RGS3: variants seen among roughly 807,000 people sequenced by gnomAD.
The protein encoded by RGS3 is regulator of G-protein signalling 3.
A neutral mutation model predicts 132.6 loss-of-function variants in RGS3; 80 were observed. The observed-to-expected ratio is 0.60, with a 90% confidence interval of 0.50 to 0.73. The LOEUF (loss-of-function observed/expected upper bound fraction) is 0.73. Ranked by LOEUF, RGS3 falls within the 30% of genes least tolerant of loss-of-function variation. RGS3 has a pLI of 0.00. For missense variants in RGS3, 1,382 were observed against 1,530.8 expected (o/e 0.90, Z 1.62); for synonymous variants, 598 against 620.6 (o/e 0.96, Z 0.54).
chr9:113,596,291 A>G (rs1835773852), intron 24 of RGS3, among the ~76,000 whole-genome samples: 1 of 152,202 alleles, frequency 6.6e-6, no homozygotes. Flanking sequence ...CCGAGATCGC[A>G]CCACTGCACT....
intron 19 of RGS3, among the ~76,000 whole-genome samples, chr9:113,547,261 A>G (rs1833153650): frequency 6.6e-6 from 1 of 152,242 alleles, no homozygotes; most frequent in Admixed American, 6.5e-5. Context: ...ACATTGAAAC[A>G]GAGTGTATGT....
intron 1 of RGS3, among the ~76,000 whole-genome samples, chr9:113,460,996 A>G (rs945375859): frequency 6.6e-6 from 1 of 152,112 alleles, no homozygotes; most frequent in African/African-American, 2.4e-5. Flanking sequence ...TTTTGTGTGC[A>G]TGTGTCAGTG....
rs905461152 is a variant in RGS3, at chr9:113,507,557, C to T, written c.1356C>T (p.His452=). 1.1e-5 allele frequency: 17 copies of T among 1,583,348 alleles called. No homozygotes were observed. Among genetic ancestry groups the T allele is most frequent in the Admixed American group, 3.5e-5 (2 of 57,418 alleles). The change falls in exon 13 of 25, where the codon CAC becomes CAT. Residue 452 remains histidine, a synonymous_variant. Transcript: ENST00000350696. The surrounding 1 kb of genome is among the most constrained non-coding windows in gnomAD (Gnocchi z 5.0). Reference sequence around the variant, plus strand: ...AGGTGGCCAAGCGCGGGGGCCAGCACACCCTGCCTGCACTGTCCCGTGCCA... The same window carrying T: ...AGGTGGCCAAGCGCGGGGGCCAGCATACCCTGCCTGCACTGTCCCGTGCCA...
intron 3 of RGS3, among the ~76,000 whole-genome samples, chr9:113,471,728 C>G (rs946075905): frequency 2.0e-5 from 3 of 152,102 alleles, no homozygotes; most frequent in Non-Finnish European, 2.9e-5. Context: ...GCAGGCATTA[C>G]TGGGGCTGGA....
intron 19 of RGS3, among the ~76,000 whole-genome samples, chr9:113,560,651 C>G (rs769535729): frequency 3.3e-5 from 5 of 152,176 alleles, no homozygotes; most frequent in Non-Finnish European, 7.3e-5. Flanking sequence ...ATTTCTTGGC[C>G]GACTCTGCAG....
chr9:113,585,520 C>T (rs1835075775), intron 20 of RGS3, among the ~76,000 whole-genome samples: 1 of 152,230 alleles, frequency 6.6e-6, no homozygotes, highest in African/African-American at 2.4e-5. Context: ...GCACAACTGA[C>T]TCAGAGATCT....
chr9:113,557,022 G>T lies in RGS3; in HGVS notation c.2037+20104G>T, dbSNP rs1833596201. On this transcript the variant is annotated intron_variant, in intron 19 of 24. Transcript: ENST00000350696. ...CACACGCAGTCACCTTCACACTGCT[G>T]AGTGTTTGTTGAATGACTGTATGAG... Among the ~76,000 whole-genome samples the T allele has an allele frequency of 2.0e-5, 3 of 152,344 alleles. No homozygotes were observed. The South Asian group carries it at 6.2e-4, about 32-fold the overall frequency.
At chr9:113,472,878 A>G (rs982762802) in intron 3 of RGS3, among the ~76,000 whole-genome samples, 1 of 152,096 alleles carries the variant, frequency 6.6e-6, no homozygotes, top group Non-Finnish European at 1.5e-5. Flanking sequence ...GTCTCTACAA[A>G]AAATACAAAA....
At chr9:113,572,873 C>T (rs1834350762) in intron 19 of RGS3, among the ~76,000 whole-genome samples, 1 of 152,242 alleles carries the variant, frequency 6.6e-6, no homozygotes. Flanking sequence ...AAGTTTCCCC[C>T]CCTGAAACCT....
chr9:113,451,251 A>G (rs1284501159), intron 1 of RGS3, among the ~76,000 whole-genome samples: 2 of 152,070 alleles, frequency 1.3e-5, no homozygotes, highest in Middle Eastern at 3.2e-3. Flanking sequence ...AGCAAAGGCA[A>G]TACATGCCAC....
intron 7 of RGS3, among the ~76,000 whole-genome samples, chr9:113,486,459 A>C (rs1830337048): frequency 1.3e-5 from 2 of 152,242 alleles, no homozygotes; most frequent in African/African-American, 2.4e-5. Flanking sequence ...AGTGCAGGAC[A>C]CAGGAGGGCT....
rs775537894 is a variant in RGS3 at position 113,461,810 on chromosome 9, C to T, written c.184C>T (p.Leu62Phe). 34 of 1,614,202 alleles carry T rather than the reference C, an allele frequency of 2.1e-5. No individual in the cohort carries two copies. The South Asian group carries it at 3.3e-4, about 16-fold the overall frequency. The change falls in exon 2 of 25, where the codon CTC becomes TTC. Residue 62 changes from leucine to phenylalanine, a missense_variant. Coordinates refer to ENST00000350696, the Ensembl canonical transcript of RGS3. ...CACAGCCTCTGGAGCCCAAGATAGT[C>T]TCCCCTTTGGGAGGAGGCTCTACAG...
intron 3 of RGS3, among the ~76,000 whole-genome samples, chr9:113,478,111 C>T (rs1830050665): frequency 6.6e-6 from 1 of 151,980 alleles, no homozygotes; most frequent in Admixed American, 6.6e-5. Context: ...AAAATTTAAA[C>T]AAAAATGGGA....
At chr9:113,525,319 C>A (rs1564526898) in intron 17 of RGS3, among the ~76,000 whole-genome samples, 1 of 152,140 alleles carries the variant, frequency 6.6e-6, no homozygotes, top group African/African-American at 2.4e-5. Flanking sequence ...CAGCTGCCCC[C>A]ACTCCCCTGA....
intron 8 of RGS3, among the ~76,000 whole-genome samples, chr9:113,496,539 C>G (rs1830688935): frequency 6.6e-6 from 1 of 151,310 alleles, no homozygotes; most frequent in African/African-American, 2.4e-5. Flanking sequence ...TAAAGAGCTT[C>G]TCTCTCTCTC....
At chr9:113,578,696 T>C (rs1834649123) in intron 19 of RGS3, among the ~76,000 whole-genome samples, 1 of 152,118 alleles carries the variant, frequency 6.6e-6, no homozygotes, top group African/African-American at 2.4e-5. Context: ...GAAGCTAGCA[T>C]TGAGTCAGGG....
exon 11 of RGS3, chr9:113,505,474 C>T: frequency 1.9e-6 from 3 of 1,614,174 alleles, no homozygotes; most frequent in Non-Finnish European, 2.5e-6. Context: ...ACGGCTTTGG[C>T]TTCACCATCT....
chr9:113,477,067 C>T (rs548632547), intron 3 of RGS3, among the ~76,000 whole-genome samples: 70 of 152,272 alleles, frequency 4.6e-4, no homozygotes, highest in African/African-American at 1.6e-3. Context: ...AGATTGGGCA[C>T]AGTTTTCATA....
rs189764637 is a variant in RGS3 at position 113,473,914 on chromosome 9, C to A, written c.416-5577C>A. ...ACTCTGGGTTGAGATGTGTGTGAAT[C>A]CTGTAGGATGTTTGGATCTGAGCCC... On this transcript the variant is annotated intron_variant, in intron 3 of 24. Coordinates refer to ENST00000350696, the Ensembl canonical transcript of RGS3. Among the ~76,000 whole-genome samples, 36 of 152,220 alleles carry A rather than the reference C, an allele frequency of 2.4e-4. No homozygotes were observed. In the East Asian group the frequency reaches 3.7e-3, roughly 16 times the overall value.
Sources: allele counts gnomAD v4.1 joint callset (sites outside exome capture counted in the v4.1 genomes callset), GRCh38; gene constraint gnomAD v4.1.1; non-coding constraint Gnocchi (gnomAD v3.1); transcripts MANE v1.5; gene names NCBI Gene and HGNC (gene_info 2026-07-23, HGNC 2026-07-21).